Variants in FAM13A observed in about 807,000 individuals in gnomAD.
The protein encoded by FAM13A is protein FAM13A.
Under a neutral mutation model 129.6 loss-of-function variants are expected in FAM13A, and 76 were observed. The ratio of observed to expected loss-of-function variants is 0.59; its 90% CI spans 0.49 to 0.71. The LOEUF is 0.71. Among genes scored for constraint, FAM13A ranks in the 30% least tolerant of loss-of-function variants. The pLI is 0.00. For missense variants in FAM13A, 1,108 were observed against 1,249.3 expected, an observed-to-expected ratio of 0.89 and a Z score of 1.70; for synonymous variants, 443 against 449.9, an observed-to-expected ratio of 0.98 and a Z score of 0.20.
At chr4:88,968,974 C>A (rs752178922) in intron 4 of FAM13A, among the ~76,000 whole-genome samples, 7 of 152,148 alleles carry the variant, frequency 4.6e-5, no homozygotes, top group African/African-American at 9.7e-5. Context: ...AAATTAAATA[C>A]TAATATCATC....
At chr4:88,850,065 C>T (rs901082742) in intron 7 of FAM13A, among the ~76,000 whole-genome samples, 4 of 152,102 alleles carry the variant, frequency 2.6e-5, no homozygotes, top group African/African-American at 9.7e-5. Context: ...TGGCAAGCTC[C>T]TTAACTAAAT....
At chr4:88,995,444 G>C (rs1016106770) in intron 3 of FAM13A, among the ~76,000 whole-genome samples, 6 of 152,156 alleles carry the variant, frequency 3.9e-5, no homozygotes, top group African/African-American at 1.4e-4. Context: ...TGCCAGCAGA[G>C]GAACATGGAA....
chr4:88,814,566 A>G (rs1730322722), intron 7 of FAM13A, among the ~76,000 whole-genome samples: 1 of 152,202 alleles, frequency 6.6e-6, no homozygotes, highest in African/African-American at 2.4e-5. Flanking sequence ...GTTGAAAAAG[A>G]GGAAAGTCAC....
chr4:88,973,149 G>A (rs868104838), intron 4 of FAM13A, among the ~76,000 whole-genome samples: 2 of 45,690 alleles, frequency 4.4e-5, no homozygotes, highest in Non-Finnish European at 9.6e-5. Context: ...TTTTTTTTTT[G>A]TCATTTATCT....
At chr4:88,922,663 C>T (rs1358392173) in intron 5 of FAM13A, among the ~76,000 whole-genome samples, 4 of 152,086 alleles carry the variant, frequency 2.6e-5, no homozygotes, top group South Asian at 2.1e-4. Context: ...AGAGCAAACA[C>T]ATTCAAAAGC....
chr4:88,764,686 T>C (rs1745408107), intron 13 of FAM13A, among the ~76,000 whole-genome samples: 1 of 152,194 alleles, frequency 6.6e-6, no homozygotes, highest in Non-Finnish European at 1.5e-5. Flanking sequence ...CAGGGAGCAG[T>C]GTGCTAGGCT....
intron 4 of FAM13A, among the ~76,000 whole-genome samples, chr4:88,965,845 A>C (rs1411764782): frequency 6.6e-6 from 1 of 152,194 alleles, no homozygotes; most frequent in Non-Finnish European, 1.5e-5. Context: ...TAGTTCACTG[A>C]GCATAACGTC....
At chr4:88,985,024 T>C (rs1290457653) in intron 4 of FAM13A, among the ~76,000 whole-genome samples, 1 of 152,092 alleles carries the variant, frequency 6.6e-6, no homozygotes. Flanking sequence ...AGCCAGAAAC[T>C]AGAAGTAACA....
intron 3 of FAM13A, among the ~76,000 whole-genome samples, chr4:89,019,808 A>G (rs1358897002): frequency 6.6e-6 from 1 of 151,506 alleles, no homozygotes; most frequent in Admixed American, 6.6e-5. Context: ...GAAATCACTT[A>G]ATACTACAAT....
chr4:89,022,306 T>C (rs1316090814), intron 2 of FAM13A, among the ~76,000 whole-genome samples: 4 of 151,420 alleles, frequency 2.6e-5, no homozygotes, highest in African/African-American at 4.9e-5. Context: ...TCTTAGGTAA[T>C]AAAAAAAAAT....
At chr4:88,995,349 T>C (rs548029238) in intron 3 of FAM13A, among the ~76,000 whole-genome samples, 1 of 152,212 alleles carries the variant, frequency 6.6e-6, no homozygotes, top group African/African-American at 2.4e-5. Context: ...TGTGAGGGTG[T>C]TGCCAAAGGA....
At chr4:88,838,879 T>G (rs573682130) in intron 7 of FAM13A, among the ~76,000 whole-genome samples, 2 of 152,342 alleles carry the variant, frequency 1.3e-5, no homozygotes, top group South Asian at 4.2e-4. Context: ...TCCTTATAGT[T>G]GCAGATTAAA....
At chr4:89,024,702 T>A (rs1403627474) in intron 2 of FAM13A, among the ~76,000 whole-genome samples, 1 of 152,240 alleles carries the variant, frequency 6.6e-6, no homozygotes, top group African/African-American at 2.4e-5. Flanking sequence ...TGAAGTATTA[T>A]GCCCTCAAAC....
intron 18 of FAM13A, among the ~76,000 whole-genome samples, chr4:88,747,364 C>T (rs1741574945): frequency 6.6e-6 from 1 of 152,186 alleles, no homozygotes; most frequent in Admixed American, 6.5e-5. Context: ...AATCCTTCTA[C>T]CTCAGAGTCA....
chr4:88,896,135 T>C (rs1043595384), intron 6 of FAM13A, among the ~76,000 whole-genome samples: 10 of 151,514 alleles, frequency 6.6e-5, no homozygotes, highest in Non-Finnish European at 1.3e-4. Context: ...ATGGATGAAA[T>C]TGGAAATCAT....
chr4:88,915,662 AAAC>A (rs1749993612), intron 5 of FAM13A, among the ~76,000 whole-genome samples: 3 of 152,188 alleles, frequency 2.0e-5, no homozygotes, highest in Non-Finnish European at 4.4e-5. Flanking sequence ...AAATTAAATC[AAAC>A]TTCATTGTCA....
At chr4:89,024,834 T>G (rs900424004) in intron 2 of FAM13A, among the ~76,000 whole-genome samples, 3 of 151,490 alleles carry the variant, frequency 2.0e-5, no homozygotes, top group Non-Finnish European at 4.4e-5. Context: ...AAAATACAGG[T>G]GCCAGGCCTA....
intron 4 of FAM13A, among the ~76,000 whole-genome samples, chr4:88,941,112 T>G (rs1426229234): frequency 6.6e-6 from 1 of 152,204 alleles, no homozygotes; most frequent in East Asian, 1.9e-4. Flanking sequence ...AGGAGACCAT[T>G]GTTTTGGACT....
At chr4:88,808,310 A>G (rs1728986376) in intron 7 of FAM13A, among the ~76,000 whole-genome samples, 1 of 152,152 alleles carries the variant, frequency 6.6e-6, no homozygotes, top group African/African-American at 2.4e-5. Context: ...TCCAAATAAA[A>G]TCAACAAAAT....
Sources: allele counts gnomAD v4.1 joint callset (sites outside exome capture counted in the v4.1 genomes callset), GRCh38; gene constraint gnomAD v4.1.1; transcripts MANE v1.5; gene names NCBI Gene and HGNC (gene_info 2026-07-23, HGNC 2026-07-21).